The following MAN1A2 variants were observed in gnomAD, a reference collection of about 807,000 sequenced individuals.
MAN1A2 encodes mannosyl-oligosaccharide 1,2-alpha-mannosidase IB.
Under a neutral mutation model 75.7 loss-of-function variants are expected in MAN1A2, and 26 were observed. That is an observed-to-expected ratio of 0.34 (90% CI 0.25 to 0.48). MAN1A2 has a LOEUF of 0.48. Among genes scored for constraint, MAN1A2 ranks in the 20% least tolerant of loss-of-function variants. The probability of loss-of-function intolerance (pLI) is 0.99; values close to 1 mark genes in which losing one functional copy is unlikely to be tolerated. For missense variants in MAN1A2, 562 were observed against 775.5 expected, an observed-to-expected ratio of 0.72 and a Z score of 3.27; for synonymous variants, 247 against 264.6, an observed-to-expected ratio of 0.93 and a Z score of 0.65.
intron 1 of MAN1A2, among the ~76,000 whole-genome samples, chr1:117,387,727 C>T (rs1653583873): frequency 6.6e-6 from 1 of 152,062 alleles, no homozygotes; most frequent in Non-Finnish European, 1.5e-5. Flanking sequence ...AAGCAACAAA[C>T]ATTATTTCCC....
intron 5 of MAN1A2, among the ~76,000 whole-genome samples, chr1:117,431,247 A>C (rs1378132143): frequency 1.4e-5 from 2 of 143,562 alleles, no homozygotes; most frequent in African/African-American, 5.2e-5. Context: ...GCCTTTCATA[A>C]TGAAAAAAAG....
Position 117,482,651 on chromosome 1 carries a change from G to C in MAN1A2, c.1169-10496G>C, listed in dbSNP as rs1472042931. ...GATTCTGGATATTAGCCGCTTGTCA[G>C]ATGGGTAGATTGCAAAACTTTTCTC... On this transcript the variant is annotated intron_variant, in intron 8 of 12. Transcript: ENST00000356554. 7.9e-5 allele frequency among the ~76,000 whole-genome samples: 12 copies of C among 152,176 alleles called. No individual in the cohort carries two copies. In the South Asian group the frequency reaches 2.5e-3, roughly 32 times the overall value.
At chr1:117,466,895 A>C (rs1176190305) in intron 8 of MAN1A2, among the ~76,000 whole-genome samples, 2 of 152,094 alleles carry the variant, frequency 1.3e-5, no homozygotes, top group Non-Finnish European at 2.9e-5. Context: ...CTAAGTTCTT[A>C]GAAGAGATTG....
intron 3 of MAN1A2, among the ~76,000 whole-genome samples, chr1:117,406,490 G>A (rs1286226838): frequency 6.6e-6 from 1 of 152,050 alleles, no homozygotes; most frequent in East Asian, 1.9e-4. Flanking sequence ...TGACACTAGG[G>A]AAGGATTTTT....
intron 12 of MAN1A2, among the ~76,000 whole-genome samples, chr1:117,518,563 A>G (rs1651785082): frequency 6.6e-6 from 1 of 152,132 alleles, no homozygotes; most frequent in South Asian, 2.1e-4. Flanking sequence ...TTTAAACTTT[A>G]AAACAACAGC....
intron 12 of MAN1A2, among the ~76,000 whole-genome samples, chr1:117,518,657 C>T (rs1455391622): frequency 1.3e-5 from 2 of 151,948 alleles, no homozygotes; most frequent in Admixed American, 6.6e-5. Context: ...CATATATGCA[C>T]CTAACACTGG....
At chr1:117,466,916 A>G (rs1181886880) in intron 8 of MAN1A2, among the ~76,000 whole-genome samples, 2 of 152,102 alleles carry the variant, frequency 1.3e-5, no homozygotes, top group African/African-American at 4.8e-5. Flanking sequence ...AGATGGAGAA[A>G]GAACATAGGG....
chr1:117,395,441 G>A (rs1000169871), intron 1 of MAN1A2, among the ~76,000 whole-genome samples: 4 of 152,140 alleles, frequency 2.6e-5, no homozygotes, highest in South Asian at 2.1e-4. Context: ...TACCTCATAA[G>A]TTGGTATGAT....
At chr1:117,461,519 T>C (rs1226369952) in intron 7 of MAN1A2, among the ~76,000 whole-genome samples, 9 of 152,282 alleles carry the variant, frequency 5.9e-5, no homozygotes, top group African/African-American at 2.2e-4. Flanking sequence ...CAATGATTTG[T>C]TGTATATTTC....
At chr1:117,489,496 T>C (rs1226400659) in intron 8 of MAN1A2, among the ~76,000 whole-genome samples, 1 of 152,092 alleles carries the variant, frequency 6.6e-6, no homozygotes, top group Non-Finnish European at 1.5e-5. Flanking sequence ...TTTTGTTGTG[T>C]GTACCCTATT....
intron 8 of MAN1A2, among the ~76,000 whole-genome samples, chr1:117,474,386 GTT>G (rs3835642): frequency 6.8e-6 from 1 of 147,198 alleles, no homozygotes. Context: ...TATTCCATGA[GTT>G]TTTTTTTTTT....
At chr1:117,445,894 A>ATATG (rs1219270203) in intron 6 of MAN1A2, among the ~76,000 whole-genome samples, 2 of 144,112 alleles carry the variant, frequency 1.4e-5, no homozygotes, top group Non-Finnish European at 3.0e-5. Flanking sequence ...GTATATATAT[A>ATATG]TATATGTATA....
chr1:117,447,914 T>C (rs1242691060), intron 6 of MAN1A2, among the ~76,000 whole-genome samples: 1 of 152,206 alleles, frequency 6.6e-6, no homozygotes, highest in Non-Finnish European at 1.5e-5. Flanking sequence ...GAGCTCTTTT[T>C]TGATTCCATA....
intron 1 of MAN1A2, among the ~76,000 whole-genome samples, chr1:117,375,914 TG>T (rs1653120684): frequency 1.4e-5 from 1 of 70,414 alleles, no homozygotes; most frequent in Non-Finnish European, 2.9e-5. Flanking sequence ...AATTAATTTA[TG>T]TTTTTTTTTT....
rs920448991 is a variant in MAN1A2, at chr1:117,489,937, CT to C, written c.1169-3197del. On this transcript the variant is annotated intron_variant, in intron 8 of 12. Coordinates refer to ENST00000356554, the MANE Select transcript of MAN1A2 (RefSeq NM_006699.5). ...GTGAATGAGGGTTATAAGAAATGTA[CT>C]TTTTTTTTTTTTAATGCAGAGAGGA... Among the ~76,000 whole-genome samples, 612 of 142,170 alleles carry C rather than the reference CT, an allele frequency of 4.3e-3. 1 individual carries two copies. The highest frequency in any genetic ancestry group is 0.018 in the Middle Eastern group (5 of 274). 93.3% of individuals were successfully genotyped at this position (142,170 alleles called of 152,430 possible).
chr1:117,439,709 A>G (rs924181782), intron 5 of MAN1A2, among the ~76,000 whole-genome samples: 15 of 152,042 alleles, frequency 9.9e-5, no homozygotes. Flanking sequence ...TGGCCAGGCC[A>G]GCCTCAAACC....
intron 6 of MAN1A2, among the ~76,000 whole-genome samples, chr1:117,454,727 G>C (rs1052063838): frequency 6.6e-6 from 1 of 152,038 alleles, no homozygotes; most frequent in Non-Finnish European, 1.5e-5. Flanking sequence ...TTTCTGTTTT[G>C]GTCTTTGTTT....
At chr1:117,372,503 A>G (rs1652995322) in intron 1 of MAN1A2, among the ~76,000 whole-genome samples, 1 of 152,212 alleles carries the variant, frequency 6.6e-6, no homozygotes, top group Non-Finnish European at 1.5e-5. Flanking sequence ...GAGGAAACCA[A>G]TATGTTCCCT....
rs562592784 is a variant in MAN1A2, at chr1:117,484,864, A to G, written c.1169-8283A>G. ...TACACATATGTTATTCATTCGTGAC[A>G]CACTCAACTCTTTCTTAATATTTTC... is the stretch of plus-strand genomic sequence containing the variant. On this transcript the variant is annotated intron_variant, in intron 8 of 12. Coordinates refer to ENST00000356554, the MANE Select transcript of MAN1A2 (RefSeq NM_006699.5). Among the ~76,000 whole-genome samples, 9 of 152,080 alleles carry G rather than the reference A, an allele frequency of 5.9e-5. No individual in the cohort carries two copies. In the South Asian group the frequency reaches 1.9e-3, roughly 31 times the overall value.
Sources: allele counts gnomAD v4.1 joint callset (sites outside exome capture counted in the v4.1 genomes callset), GRCh38; gene constraint gnomAD v4.1.1; transcripts MANE v1.5; gene names NCBI Gene and HGNC (gene_info 2026-07-23, HGNC 2026-07-21).